The following BAZ2B variants were observed in gnomAD, a reference collection of about 807,000 sequenced individuals.
BAZ2B encodes bromodomain adjacent to zinc finger domain 2B.
A neutral mutation model predicts 246.0 loss-of-function variants in BAZ2B; 91 were observed. The ratio of observed to expected loss-of-function variants is 0.37; its 90% CI spans 0.31 to 0.44. The LOEUF (loss-of-function observed/expected upper bound fraction) is 0.44. BAZ2B is among the 20% of genes least tolerant of loss of function. The pLI is 1.00. For missense variants in BAZ2B, 2,332 were observed against 2,533.7 expected, an observed-to-expected ratio of 0.92 and a Z score of 1.71; for synonymous variants, 855 against 860.0, an observed-to-expected ratio of 0.99 and a Z score of 0.10.
the BAZ2B span, among the ~76,000 whole-genome samples, chr2:159,627,539 A>T: frequency 2.0e-5 from 3 of 152,316 alleles, no homozygotes; most frequent in East Asian, 5.8e-4. Context: ...AACGTAATCC[A>T]TCACATAAAC....
Position 159,339,592 on chromosome 2 carries a change from A to T in BAZ2B, c.5455-1820T>A, listed in dbSNP as rs566797706. 3.3e-4 allele frequency among the ~76,000 whole-genome samples: 50 copies of T among 152,316 alleles called. 1 individual carries two copies. In the South Asian group the frequency reaches 9.5e-3, roughly 29 times the overall value. On this transcript the variant is annotated intron_variant, in intron 31 of 36. Transcript: ENST00000392783. Reference sequence around the variant, plus strand: ...GTATACATAGAAAAGAAAGAAAATCAATATATGGAAGAGATATTTGTACTC... The same window carrying T: ...GTATACATAGAAAAGAAAGAAAATCTATATATGGAAGAGATATTTGTACTC...
upstream of BAZ2B, among the ~76,000 whole-genome samples, chr2:159,618,140 C>T (rs1696275234): frequency 6.6e-6 from 1 of 152,116 alleles, no homozygotes; most frequent in Non-Finnish European, 1.5e-5. Flanking sequence ...TCCCGGAATA[C>T]AGATTTTAAT....
intron 27 of BAZ2B, among the ~76,000 whole-genome samples, chr2:159,359,916 T>G (rs924226468): frequency 3.3e-5 from 5 of 152,160 alleles, no homozygotes; most frequent in African/African-American, 1.2e-4. Flanking sequence ...CCCTTCATGC[T>G]AAAAACTCCC....
intron 2 of BAZ2B, among the ~76,000 whole-genome samples, chr2:159,520,900 A>T (rs1055820387): frequency 6.6e-6 from 1 of 152,176 alleles, no homozygotes; most frequent in Non-Finnish European, 1.5e-5. Context: ...AACTCATAAC[A>T]TAAAATTTAT....
chr2:159,555,052 A>G (rs2088883349), intron 2 of BAZ2B, among the ~76,000 whole-genome samples: 1 of 146,916 alleles, frequency 6.8e-6, no homozygotes. Flanking sequence ...TATATGTGGT[A>G]TGTGGTGTAT....
intron 21 of BAZ2B, 49 bp downstream of exon 21, chr2:159,389,296 G>C (rs192756269): frequency 1.3e-6 from 2 of 1,498,716 alleles, no homozygotes; most frequent in African/African-American, 2.9e-5. Context: ...TAAGAAAACT[G>C]GAAAAATTAA....
intron 20 of BAZ2B, among the ~76,000 whole-genome samples, chr2:159,393,481 A>T (rs1576475012): frequency 6.6e-6 from 1 of 152,196 alleles, no homozygotes; most frequent in Non-Finnish European, 1.5e-5. Context: ...TTTATGCTTA[A>T]TATGTCCAGC....
chr2:159,401,809 A>G (rs1005632909), intron 16 of BAZ2B, among the ~76,000 whole-genome samples: 3 of 152,162 alleles, frequency 2.0e-5, no homozygotes, highest in African/African-American at 7.2e-5. Flanking sequence ...AATCCGTTCA[A>G]AAGTCCCAAA....
intron 2 of BAZ2B, among the ~76,000 whole-genome samples, chr2:159,552,154 T>C (rs1011505278): frequency 1.3e-5 from 2 of 152,062 alleles, no homozygotes; most frequent in South Asian, 2.1e-4. Context: ...TATTCTATAG[T>C]TCATTTTGGT....
the BAZ2B span, among the ~76,000 whole-genome samples, chr2:159,663,677 G>A: frequency 8.6e-5 from 13 of 151,264 alleles, no homozygotes; most frequent in African/African-American, 2.4e-4. Flanking sequence ...ATGCCACCAC[G>A]TCGGCTAATT....
In BAZ2B at chr2:159,498,522, A is replaced by C. The variant is rs142474545; in HGVS notation, c.-2-19801T>G. 1.0e-3 allele frequency among the ~76,000 whole-genome samples: 156 copies of C among 152,316 alleles called. 1 individual carries two copies. The highest frequency in any genetic ancestry group is 3.5e-3 in the African/African-American group (145 of 41,574). On this transcript the variant is annotated intron_variant, in intron 2 of 36. Coordinates refer to ENST00000392783, the MANE Select transcript of BAZ2B (RefSeq NM_013450.4). Reference sequence around the variant, plus strand: ...TAGTGACATTTTTATTTTAGTTCTTAGATAACTAAAATAGTAAAACTGCTT... The same window carrying C: ...TAGTGACATTTTTATTTTAGTTCTTCGATAACTAAAATAGTAAAACTGCTT...
At chr2:159,662,095 A>G in the BAZ2B span, among the ~76,000 whole-genome samples, 1 of 152,238 alleles carries the variant, frequency 6.6e-6, no homozygotes, top group African/African-American at 2.4e-5. Context: ...GAATCATACA[A>G]CATGTGGCCT....
At chr2:159,432,693 C>A in intron 9 of BAZ2B, 64 bp downstream of exon 9, 1 of 1,538,086 alleles carries the variant, frequency 6.5e-7, no homozygotes, top group Non-Finnish European at 8.7e-7. Context: ...ATTAAGAAAC[C>A]CTTTAAAATG....
chr2:159,617,285 ATC>A (rs1209297537), upstream of BAZ2B, among the ~76,000 whole-genome samples: 2 of 151,962 alleles, frequency 1.3e-5, no homozygotes. Flanking sequence ...TACCCCCAGA[ATC>A]TCTTCCAACT....
intron 2 of BAZ2B, among the ~76,000 whole-genome samples, chr2:159,522,609 C>T (rs1289187870): frequency 2.0e-5 from 3 of 152,150 alleles, no homozygotes; most frequent in South Asian, 4.1e-4. Context: ...AACAATTAGA[C>T]GTTCCTTATT....
the BAZ2B span, among the ~76,000 whole-genome samples, chr2:159,670,516 G>A: frequency 6.6e-6 from 1 of 151,886 alleles, no homozygotes; most frequent in Non-Finnish European, 1.5e-5. Context: ...CATACCATAC[G>A]TTGTTATAGT....
chr2:159,406,285 G>A (rs956056483), intron 14 of BAZ2B, among the ~76,000 whole-genome samples: 1 of 152,136 alleles, frequency 6.6e-6, no homozygotes, highest in Non-Finnish European at 1.5e-5. Flanking sequence ...GATATGATTT[G>A]GGGGCTAGGC....
intron 1 of BAZ2B, among the ~76,000 whole-genome samples, chr2:159,583,208 A>G (rs1010810608): frequency 1.3e-5 from 2 of 149,312 alleles, no homozygotes; most frequent in Non-Finnish European, 3.0e-5. Context: ...TCTGCCTCCC[A>G]GGTTCAAGTG....
rs752565419 is a variant in BAZ2B, at chr2:159,446,978, T to A, written c.503-3A>T. 1 of 1,536,334 alleles carries A rather than the reference T, an allele frequency of 6.5e-7. No homozygotes were observed. Among genetic ancestry groups the A allele is most frequent in the South Asian group, 1.3e-5 (1 of 79,290 alleles). ...TCCATTTATTGACCCATTTACACCT[T>A]GAAAATAAAAATAAACATGTTTATA... is the stretch of plus-strand genomic sequence containing the variant. On this transcript the variant is annotated splice_region_variant and splice_polypyrimidine_tract_variant and intron_variant, in intron 5 of 36. Transcript: ENST00000392783.
Sources: allele counts gnomAD v4.1 joint callset (sites outside exome capture counted in the v4.1 genomes callset), GRCh38; gene constraint gnomAD v4.1.1; transcripts MANE v1.5; gene names NCBI Gene and HGNC (gene_info 2026-07-23, HGNC 2026-07-21).